The following CYP27C1 variants were observed in gnomAD, a reference collection of about 807,000 sequenced individuals.
CYP27C1 encodes the protein cytochrome P450 family 27 subfamily C member 1.
CYP27C1 carries 29 observed loss-of-function variants against 40.6 expected under a neutral mutation model. The ratio of observed to expected loss-of-function variants is 0.71; its 90% confidence interval spans 0.53 to 0.97. The LOEUF is 0.97. CYP27C1 is among the 50% of genes least tolerant of loss of function. CYP27C1 has a pLI of 0.00. For synonymous variants in CYP27C1, 198 were observed against 186.8 expected, an observed-to-expected ratio of 1.06 and a Z score of -0.49; for missense variants, 390 against 485.8, an observed-to-expected ratio of 0.80 and a Z score of 1.85.
intron 1 of CYP27C1, among the ~76,000 whole-genome samples, chr2:127,214,867 G>C (rs1027064473): frequency 7.0e-6 from 1 of 142,320 alleles, no homozygotes; most frequent in Non-Finnish European, 1.5e-5. Flanking sequence ...AGTGGCTCAC[G>C]CCTGTAATCC....
rs1436763962 is a variant in CYP27C1, at chr2:127,187,297, G to A, written c.1588C>T (p.His530Tyr). Residue 530 changes from histidine to tyrosine, a missense_variant, in exon 9 of 9, where the codon CAC (histidine) becomes TAC (tyrosine). Physicochemically the swap from His to Tyr is moderately conservative, Grantham distance 83. Transcript: ENST00000664447. ...HGLLTPGGPI[H>Y]VRFVNRK ...TACTTTCTGTTAACAAATCGCACGT[G>A]GATGGGCCCCCCTGGCGTCAGGAGC... 6 of 1,614,146 alleles carry A rather than the reference G, an allele frequency of 3.7e-6. No homozygotes were observed. The highest frequency in any genetic ancestry group is 5.1e-6 in the Non-Finnish European group (6 of 1,180,016).
At chr2:127,193,754 G>A (rs138420638) in intron 7 of CYP27C1, 35 bp downstream of exon 7, 73 of 1,611,886 alleles carry the variant, frequency 4.5e-5, no homozygotes, top group Middle Eastern at 1.7e-4. Flanking sequence ...ACCCCGACCC[G>A]CAAGGCCTGG....
At position 127,200,933 on chromosome 2, in the gene CYP27C1, A is replaced by G. The variant is rs1218488865; in HGVS notation, c.883+189T>C. Among the ~76,000 whole-genome samples the G allele has an allele frequency of 1.3e-5, 2 of 152,100 alleles. No homozygotes were observed. Among genetic ancestry groups the G allele is most frequent in the Non-Finnish European group, 2.9e-5 (2 of 68,014 alleles). ...AGCTGAGATCACACCACTGCACTCC[A>G]GCATGGGCGACAGAGCCAGACTCCG... is the stretch of plus-strand genomic sequence containing the variant. On this transcript the variant is annotated intron_variant, in intron 4 of 8. Coordinates refer to ENST00000664447, the MANE Select transcript of CYP27C1 (RefSeq NM_001367502.1). This position sits in a 1 kb window ranked among gnomAD's most constrained non-coding sequence, Gnocchi z 4.2.
chr2:127,195,279 G>C lies in CYP27C1; in HGVS notation c.1214+56C>G. 6.2e-7 allele frequency: 1 copy of C among 1,608,270 alleles called. No individual in the cohort carries two copies. The highest frequency in any genetic ancestry group is 8.5e-7 in the Non-Finnish European group (1 of 1,176,550). On this transcript the variant is annotated intron_variant, in intron 6 of 8. Transcript: ENST00000664447. The surrounding 1 kb of genome is among the most constrained non-coding windows in gnomAD (Gnocchi z 6.2). ...GGCATTTGGAGGACTTGTTGTGATA[G>C]AGAACCAGGGACCTAAGGGACACAG...
chr2:127,209,267 G>A lies in CYP27C1; in HGVS notation c.283-3177C>T, dbSNP rs1164455110. Among the ~76,000 whole-genome samples, 1 of 152,018 alleles carries A rather than the reference G, an allele frequency of 6.6e-6. No individual in the cohort carries two copies. The highest frequency in any genetic ancestry group is 2.4e-5 in the African/African-American group (1 of 41,370). On this transcript the variant is annotated intron_variant, in intron 1 of 8. Transcript: ENST00000664447. This position sits in a 1 kb window ranked among gnomAD's most constrained non-coding sequence, Gnocchi z 4.1. ...AAACTGCAGCAGCCCTACAGAAGAGGGATTGACTATTGAAAGAAAAACAAA... is the reference window on the plus strand; with the variant it reads ...AAACTGCAGCAGCCCTACAGAAGAGAGATTGACTATTGAAAGAAAAACAAA...
At chr2:127,215,467 A>G (rs1683413922) in intron 1 of CYP27C1, among the ~76,000 whole-genome samples, 1 of 152,240 alleles carries the variant, frequency 6.6e-6, no homozygotes, top group African/African-American at 2.4e-5. Context: ...TGGGTTTGGC[A>G]TAATGTCTTA....
At chr2:127,205,612 T>C in intron 2 of CYP27C1, 1 of 902,808 alleles carries the variant, frequency 1.1e-6, no homozygotes, top group Non-Finnish European at 1.3e-6. Context: ...TATCACTGAA[T>C]GGACTCCCAA....
At position 127,193,227 on chromosome 2, in the gene CYP27C1, C is replaced by T. The variant is rs760065098; in HGVS notation, c.1364G>A (p.Arg455Gln). The T allele has an allele frequency of 1.8e-5, 29 of 1,614,044 alleles. No homozygotes were observed. The highest frequency in any genetic ancestry group is 6.7e-5 in the East Asian group (3 of 44,890). Residue 455 changes from arginine (R) to glutamine (Q), a missense_variant, in exon 8 of 9, where the codon CGG becomes CAG. Transcript: ENST00000664447. ...TCCTTTCCGCAGCCAGCGCTCAGGCCGGAACTCCTTGGCCCGAGGGAAGTT... is the reference window on the plus strand; with the variant it reads ...TCCTTTCCGCAGCCAGCGCTCAGGCTGGAACTCCTTGGCCCGAGGGAAGTT... ...DENFPRAKEF[R>Q]PERWLRKGDL...
At chr2:127,189,783 C>T (rs1284528820) in intron 8 of CYP27C1, among the ~76,000 whole-genome samples, 2 of 152,104 alleles carry the variant, frequency 1.3e-5, no homozygotes, top group Non-Finnish European at 2.9e-5. Flanking sequence ...CTAGGCAGAC[C>T]ATCCTTGCAT....
chr2:127,214,986 A>G (rs1252727573), intron 1 of CYP27C1, among the ~76,000 whole-genome samples: 1 of 151,650 alleles, frequency 6.6e-6, no homozygotes, highest in East Asian at 1.9e-4. Flanking sequence ...AAAATTAGCC[A>G]GGCATGGTGG....
Position 127,195,781 on chromosome 2 carries a change from G to A in CYP27C1, c.1048-280C>T, listed in dbSNP as rs1682889639. On this transcript the variant is annotated intron_variant, in intron 5 of 8. Coordinates refer to ENST00000664447, the MANE Select transcript of CYP27C1 (RefSeq NM_001367502.1). This position sits in a 1 kb window ranked among gnomAD's most constrained non-coding sequence, Gnocchi z 6.2. The stretch of plus-strand genomic sequence containing the variant: ...AAGAGCCACAGGAAAAATGATCCTG[G>A]AGCTTTTTTTAATCACTGAAGAGCA... Among the ~76,000 whole-genome samples the A allele has an allele frequency of 6.6e-6, 1 of 152,182 alleles. No homozygotes were observed. The highest frequency in any genetic ancestry group is 2.4e-5 in the African/African-American group (1 of 41,450).
At chr2:127,189,327 C>T (rs1268203259) in intron 8 of CYP27C1, among the ~76,000 whole-genome samples, 1 of 152,066 alleles carries the variant, frequency 6.6e-6, no homozygotes, top group Non-Finnish European at 1.5e-5. Context: ...CAGTAGCCTT[C>T]AGGCATGTTC....
At chr2:127,204,547 G>GAAAGAA (rs1307427882) in intron 2 of CYP27C1, among the ~76,000 whole-genome samples, 8 of 64,846 alleles carry the variant, frequency 1.2e-4, no homozygotes, top group East Asian at 1.2e-3. Context: ...GAGAGAGAGA[G>GAAAGAA]AGAGAGAGAG....
chr2:127,205,838 G>T, intron 2 of CYP27C1, 62 bp downstream of exon 2: 1 of 834,752 alleles, frequency 1.2e-6, no homozygotes, highest in Non-Finnish European at 1.4e-6. Context: ...AGCTTTGGAG[G>T]AGGGGGCCTC....
At position 127,204,501 on chromosome 2, in the gene CYP27C1, G is replaced by A. The variant is rs1486483243; in HGVS notation, c.474-930C>T. ...GAAAGAAAGAAAGGAAGGAAGGAAG[G>A]AAGGAAAGAAAGAAGGAAAGAAAGA... On this transcript the variant is annotated intron_variant, in intron 2 of 8. Transcript: ENST00000664447. Among the ~76,000 whole-genome samples, 182 of 90,982 alleles carry A rather than the reference G, an allele frequency of 2.0e-3. 10 individuals carry two copies. Among genetic ancestry groups the A allele is most frequent in the Admixed American group, 2.4e-3 (20 of 8,184 alleles). The allele number at this position is 90,982 out of a possible 152,430, so 59.7% of individuals were successfully genotyped here. A position where few individuals can be genotyped will look rare whatever the true frequency, so the allele number is the denominator to read the frequency against.
chr2:127,193,420 A>G (rs1192797963), intron 7 of CYP27C1, 123 bp from the exon 8 acceptor site: 7 of 1,108,496 alleles, frequency 6.3e-6, no homozygotes, highest in Middle Eastern at 5.9e-4. Flanking sequence ...GCCCGGGTCC[A>G]CTCACACCCA....
intron 8 of CYP27C1, 120 bp from the exon 9 acceptor site, chr2:127,187,507 C>T: frequency 2.6e-6 from 2 of 780,194 alleles, no homozygotes; most frequent in Non-Finnish European, 4.2e-6. Context: ...AGGCAATGAG[C>T]ACCCACATCC....
chr2:127,199,939 C>T (rs1354150117), intron 4 of CYP27C1, among the ~76,000 whole-genome samples: 1 of 152,144 alleles, frequency 6.6e-6, no homozygotes, highest in Non-Finnish European at 1.5e-5. Flanking sequence ...TGTTACCATA[C>T]AGCACAGACT....
In CYP27C1 at chr2:127,218,814, C is replaced by A. The variant is rs1683492209; in HGVS notation, c.282+1175G>T. ...AGCCCCCATACCAGAAATAACAGTGCGTGCTGGGCCGGGCACCCGGGGAGG... is the reference window on the plus strand; with the variant it reads ...AGCCCCCATACCAGAAATAACAGTGAGTGCTGGGCCGGGCACCCGGGGAGG... On this transcript the variant is annotated intron_variant, in intron 1 of 8. Coordinates refer to ENST00000664447, the MANE Select transcript of CYP27C1 (RefSeq NM_001367502.1). The surrounding 1 kb of genome is among the most constrained non-coding windows in gnomAD (Gnocchi z 6.0). Among the ~76,000 whole-genome samples the A allele has an allele frequency of 6.6e-6, 1 of 152,184 alleles. No homozygotes were observed. The highest frequency in any genetic ancestry group is 1.5e-5 in the Non-Finnish European group (1 of 68,024).
Sources: gnomAD v4.1 joint callset for allele counts (sites outside exome capture counted in the v4.1 genomes callset) on GRCh38, gnomAD v4.1.1 for gene constraint, Gnocchi (gnomAD v3.1) non-coding constraint, MANE v1.5 for transcripts, NCBI Gene and HGNC (gene_info 2026-07-23, HGNC 2026-07-21) for gene names.